The following TENM2 variants were observed in gnomAD, a reference collection of about 807,000 sequenced individuals.
TENM2 encodes teneurin-2.
In TENM2, 52 loss-of-function variants were observed where a neutral mutation model predicts 245.2. The observed-to-expected ratio is 0.21, with a 90% CI of 0.17 to 0.27. The LOEUF (loss-of-function observed/expected upper bound fraction) is 0.27, where lower values mean the gene tolerates loss of function less well. Among genes scored for constraint, TENM2 ranks in the 10% least tolerant of loss-of-function variants. The pLI, the probability that TENM2 is intolerant of heterozygous loss-of-function variation, is 1.00. For missense variants in TENM2, 3,046 were observed against 3,666.8 expected (o/e 0.83, Z 4.37); for synonymous variants, 1,363 against 1,438.9 (o/e 0.95, Z 1.19).
intron 2 of TENM2, among the ~76,000 whole-genome samples, chr5:167,380,762 G>A (rs1261074743): frequency 6.6e-6 from 1 of 152,134 alleles, no homozygotes; most frequent in African/African-American, 2.4e-5. Flanking sequence ...CCTGATATCA[G>A]TACTTTAACT....
intron 2 of TENM2, among the ~76,000 whole-genome samples, chr5:167,525,753 C>T (rs759131988): frequency 6.6e-6 from 1 of 152,030 alleles, no homozygotes; most frequent in African/African-American, 2.4e-5. Flanking sequence ...GTAGGAATCA[C>T]CTTAGATTTG....
chr5:167,717,729 C>T (rs548837652), intron 2 of TENM2, among the ~76,000 whole-genome samples: 247 of 152,202 alleles, frequency 1.6e-3, no homozygotes, highest in Non-Finnish European at 2.9e-3. Flanking sequence ...GCTGTGTGCC[C>T]TTGGTTTACC....
At chr5:167,979,301 T>C (rs1782662608) in intron 4 of TENM2, among the ~76,000 whole-genome samples, 2 of 152,198 alleles carry the variant, frequency 1.3e-5, no homozygotes, top group Admixed American at 6.5e-5. Context: ...TATCATATTC[T>C]ATTAAAAGTG....
intron 12 of TENM2, among the ~76,000 whole-genome samples, chr5:168,157,897 G>A (rs1757324825): frequency 6.6e-6 from 1 of 152,050 alleles, no homozygotes; most frequent in East Asian, 1.9e-4. Context: ...ATAAGGGTGT[G>A]GGTTGTTGTT....
At chr5:167,359,936 G>T (rs748496728) in intron 1 of TENM2, among the ~76,000 whole-genome samples, 3 of 152,096 alleles carry the variant, frequency 2.0e-5, no homozygotes, top group Non-Finnish European at 2.9e-5. Context: ...GCCAAATACC[G>T]CATTTTCTCA....
chr5:167,770,812 A>G (rs904440397), intron 2 of TENM2, among the ~76,000 whole-genome samples: 1 of 152,162 alleles, frequency 6.6e-6, no homozygotes, highest in African/African-American at 2.4e-5. Flanking sequence ...GGTTATCTGT[A>G]CACTGAATCC....
At chr5:167,189,015 C>T in the TENM2 span, among the ~76,000 whole-genome samples, 4 of 152,006 alleles carry the variant, frequency 2.6e-5, no homozygotes, top group Non-Finnish European at 4.4e-5. Flanking sequence ...CACTTTTTTC[C>T]TGTTATCCTC....
intron 2 of TENM2, among the ~76,000 whole-genome samples, chr5:167,840,834 T>C (rs1769441330): frequency 6.6e-6 from 1 of 152,174 alleles, no homozygotes; most frequent in Admixed American, 6.5e-5. Context: ...TAATAATATG[T>C]CAGACTGGGT....
At chr5:167,345,133 A>C (rs1380209708) in intron 1 of TENM2, among the ~76,000 whole-genome samples, 1 of 152,090 alleles carries the variant, frequency 6.6e-6, no homozygotes. Context: ...TTGGCTTTGC[A>C]CTCAATTATT....
At chr5:168,075,784 A>G (rs1791413303) in intron 7 of TENM2, among the ~76,000 whole-genome samples, 1 of 152,244 alleles carries the variant, frequency 6.6e-6, no homozygotes, top group African/African-American at 2.4e-5. Context: ...ATAGTTCCAC[A>G]TGGCTGGGGA....
At chr5:167,092,358 A>T in the TENM2 span, among the ~76,000 whole-genome samples, 18 of 152,114 alleles carry the variant, frequency 1.2e-4, no homozygotes, top group Non-Finnish European at 5.9e-5. Context: ...GGGCCACAAA[A>T]CCTACAATAT....
intron 2 of TENM2, among the ~76,000 whole-genome samples, chr5:167,428,587 G>A (rs1764022889): frequency 6.6e-6 from 1 of 152,084 alleles, no homozygotes; most frequent in Non-Finnish European, 1.5e-5. Context: ...TTTCACATGT[G>A]CCTTTGCAAA....
At chr5:167,795,316 A>G (rs937558448) in intron 2 of TENM2, among the ~76,000 whole-genome samples, 4 of 152,226 alleles carry the variant, frequency 2.6e-5, no homozygotes, top group African/African-American at 9.6e-5. Flanking sequence ...TGGACAAATG[A>G]GGAAGCTCTT....
In TENM2 at chr5:167,911,483, C is replaced by CGCCACTGCACTCCAGCCTGGGCGACAGA. The variant is rs1776551209; in HGVS notation, c.712+35291_712+35318dup. On this transcript the variant is annotated intron_variant, in intron 3 of 28. Coordinates refer to ENST00000518659, the Ensembl canonical transcript of TENM2. ...CGGAGCTTGCCGTGAGCCGAGATCGCGCCACTGCACTCCAGCCTGGGCGAC... is the reference window on the plus strand; with the variant it reads ...CGGAGCTTGCCGTGAGCCGAGATCGCGCCACTGCACTCCAGCCTGGGCGACAGAGCCACTGCACTCCAGCCTGGGCGAC... Among the ~76,000 whole-genome samples, 3 of 152,196 alleles carry CGCCACTGCACTCCAGCCTGGGCGACAGA rather than the reference C, an allele frequency of 2.0e-5. No individual in the cohort carries two copies. The South Asian group carries it at 6.2e-4, about 31-fold the overall frequency.
chr5:167,122,307 A>G, the TENM2 span, among the ~76,000 whole-genome samples: 1 of 152,094 alleles, frequency 6.6e-6, no homozygotes, highest in Non-Finnish European at 1.5e-5. Flanking sequence ...GCCTATTGAA[A>G]TTTATTTCAT....
chr5:167,395,894 A>T (rs1257470924), intron 2 of TENM2, among the ~76,000 whole-genome samples: 1 of 152,140 alleles, frequency 6.6e-6, no homozygotes, highest in Non-Finnish European at 1.5e-5. Flanking sequence ...AGAAATCAAA[A>T]CTACAATGAG....
intron 23 of TENM2, 51 bp downstream of exon 25, chr5:168,219,050 G>A (rs1048008268): frequency 5.8e-6 from 9 of 1,563,308 alleles, no homozygotes; most frequent in African/African-American, 1.4e-5. Flanking sequence ...TGCCCTAGCT[G>A]GCATTAGGAC....
At chr5:167,803,501 T>C (rs986202409) in intron 2 of TENM2, among the ~76,000 whole-genome samples, 3 of 152,126 alleles carry the variant, frequency 2.0e-5, no homozygotes, top group Non-Finnish European at 4.4e-5. Context: ...GTCTGCTTTC[T>C]GTGTTGATGT....
chr5:168,012,648 A>G (rs1785312852), intron 5 of TENM2, among the ~76,000 whole-genome samples: 1 of 119,886 alleles, frequency 8.3e-6, no homozygotes, highest in Non-Finnish European at 1.6e-5. Flanking sequence ...ACTCTGTCTC[A>G]AAAAAAAAAA....
Sources: gnomAD v4.1 joint callset for allele counts (sites outside exome capture counted in the v4.1 genomes callset) on GRCh38, gnomAD v4.1.1 for gene constraint, MANE v1.5 for transcripts, NCBI Gene and HGNC (gene_info 2026-07-23, HGNC 2026-07-21) for gene names.